The following MYO3B variants were observed in gnomAD, a reference collection of about 807,000 sequenced individuals.
MYO3B encodes myosin IIIB.
A neutral mutation model predicts 174.6 loss-of-function variants in MYO3B; 156 were observed. The observed-to-expected ratio is 0.89, with a 90% CI of 0.78 to 1.02. MYO3B has a LOEUF of 1.02. MYO3B is among the 50% of genes least tolerant of loss of function. The probability of loss-of-function intolerance (pLI) is 0.00; values close to 1 mark genes in which losing one functional copy is unlikely to be tolerated. For missense variants in MYO3B, 1,632 were observed against 1,639.4 expected (o/e 1.00, Z 0.08); for synonymous variants, 563 against 569.1 (o/e 0.99, Z 0.15).
chr2:170,605,146 C>G (rs1309031340), intron 32 of MYO3B, among the ~76,000 whole-genome samples: 2 of 152,190 alleles, frequency 1.3e-5, no homozygotes, highest in Non-Finnish European at 2.9e-5. Context: ...GTCCTTTTCT[C>G]ATTCCGCCTC....
chr2:170,519,282 C>A (rs187880829), intron 29 of MYO3B, among the ~76,000 whole-genome samples, 156 bp from the exon 30 acceptor site: 221 of 152,118 alleles, frequency 1.5e-3, no homozygotes, highest in Middle Eastern at 6.8e-3. Flanking sequence ...GAGAACAGCT[C>A]AATTTTAATG....
chr2:170,314,339 G>A (rs1265196460), intron 7 of MYO3B, among the ~76,000 whole-genome samples: 1 of 152,192 alleles, frequency 6.6e-6, no homozygotes, highest in Non-Finnish European at 1.5e-5. Context: ...AGATTCTGTA[G>A]GAAATGTCCA....
chr2:170,240,494 A>C (rs1574638589), intron 7 of MYO3B, among the ~76,000 whole-genome samples: 1 of 152,302 alleles, frequency 6.6e-6, no homozygotes, highest in East Asian at 1.9e-4. Flanking sequence ...CCTCCTTTTC[A>C]GGGAGGAAAA....
chr2:170,255,632 G>GA (rs537533288), intron 7 of MYO3B, among the ~76,000 whole-genome samples: 18 of 149,938 alleles, frequency 1.2e-4, no homozygotes, highest in East Asian at 1.9e-4. Flanking sequence ...ACCCTGAAGG[G>GA]AAAAAAAAAC....
intron 32 of MYO3B, among the ~76,000 whole-genome samples, chr2:170,582,447 G>T (rs1693216554): frequency 6.6e-6 from 1 of 152,098 alleles, no homozygotes; most frequent in Non-Finnish European, 1.5e-5. Flanking sequence ...ATTTTTGGGT[G>T]AGCTGAATCC....
intron 22 of MYO3B, among the ~76,000 whole-genome samples, chr2:170,427,824 A>G (rs2094677028): frequency 6.6e-6 from 1 of 152,196 alleles, no homozygotes. Context: ...ATACCTATAT[A>G]TCAAAAGCTA....
At chr2:170,598,636 C>CT (rs1442767612) in intron 32 of MYO3B, among the ~76,000 whole-genome samples, 3 of 152,138 alleles carry the variant, frequency 2.0e-5, no homozygotes, top group African/African-American at 7.2e-5. Context: ...CACATGTGGT[C>CT]TACCTGCTGG....
In MYO3B at chr2:170,404,358, G is replaced by A. The variant is rs1170286692; in HGVS notation, c.2389G>A (p.Glu797Lys). 1.2e-6 allele frequency: 2 copies of A among 1,613,818 alleles called. No individual in the cohort carries two copies. Among genetic ancestry groups the A allele is most frequent in the African/African-American group, 1.3e-5 (1 of 75,050 alleles). Residue 797 changes from glutamate (E) to lysine (K), a missense_variant, in exon 20 of 35, where the codon GAG (glutamate) becomes AAG (lysine). Transcript: ENST00000408978. ...CCTGGGACTGCTTGCACTTTTGGAT[G>A]AGGAAAGTCGGTTTCCCCAAGCAAC... The part of the protein sequence containing the change: ...KPLGLLALLD[E>K]ESRFPQATDQ...
chr2:170,317,682 C>T (rs184455095), intron 7 of MYO3B, among the ~76,000 whole-genome samples: 216 of 152,238 alleles, frequency 1.4e-3, no homozygotes, highest in Admixed American at 3.9e-3. Flanking sequence ...GAGCCCTAAC[C>T]TTACTCAAGC....
chr2:170,543,841 T>A, intron 31 of MYO3B, 51 bp from the exon 32 acceptor site: 1 of 1,468,506 alleles, frequency 6.8e-7, no homozygotes, highest in Non-Finnish European at 9.5e-7. Context: ...TCCTTAAGGC[T>A]GTTTCATCAG....
At chr2:170,468,606 C>T (rs1178778464) in intron 25 of MYO3B, among the ~76,000 whole-genome samples, 2 of 152,134 alleles carry the variant, frequency 1.3e-5, no homozygotes, top group African/African-American at 4.8e-5. Context: ...CTCATGGAGC[C>T]TTTGAGGAAG....
At chr2:170,536,420 T>A (rs1425852205) in intron 30 of MYO3B, among the ~76,000 whole-genome samples, 1 of 152,220 alleles carries the variant, frequency 6.6e-6, no homozygotes, top group Admixed American at 6.5e-5. Context: ...CATTCAGTAA[T>A]GATTAGGGTG....
At chr2:170,501,944 G>A in intron 28 of MYO3B, 79 bp downstream of exon 28, 1 of 1,017,504 alleles carries the variant, frequency 9.8e-7, no homozygotes, top group Non-Finnish European at 1.5e-6. Flanking sequence ...AAAGCTGAAA[G>A]GTTAATAATT....
rs187615503 is a variant in MYO3B at position 170,602,065 on chromosome 2, T to G, written c.3734-49563T>G. The G allele has an allele frequency of 4.1e-6, 4 of 984,602 alleles. No homozygotes were observed. In the Admixed American group the frequency reaches 6.8e-5, roughly 17 times the overall value. 61.0% of individuals were successfully genotyped at this position (984,602 alleles called of 1,614,324 possible). A position where few individuals can be genotyped will look rare whatever the true frequency, so the allele number is the denominator to read the frequency against. ...CATATCTTCAAATTTTCCTTTATCTTTAGCAGACATGGCCTTCCACCTCTC... is the reference window on the plus strand; with the variant it reads ...CATATCTTCAAATTTTCCTTTATCTGTAGCAGACATGGCCTTCCACCTCTC... On this transcript the variant is annotated intron_variant, in intron 32 of 34. Coordinates refer to ENST00000408978, the MANE Select transcript of MYO3B (RefSeq NM_138995.5).
intron 28 of MYO3B, among the ~76,000 whole-genome samples, chr2:170,509,020 G>GA (rs35070668): frequency 6.6e-6 from 1 of 151,910 alleles, no homozygotes; most frequent in Non-Finnish European, 1.5e-5. Context: ...CACTGGGGGG[G>GA]AAAAAAGTCT....
At chr2:170,392,309 A>G in intron 15 of MYO3B, 72 bp from the exon 16 acceptor site, 2 of 1,107,598 alleles carry the variant, frequency 1.8e-6, no homozygotes, top group East Asian at 5.2e-5. Context: ...AACAACAAAC[A>G]AAAAATGGAA....
intron 32 of MYO3B, among the ~76,000 whole-genome samples, chr2:170,600,339 G>A (rs559506434): frequency 2.6e-4 from 39 of 152,112 alleles, no homozygotes; most frequent in Admixed American, 1.6e-3. Flanking sequence ...CAATAATCTC[G>A]AAAACCACAA....
chr2:170,608,573 G>A (rs74527948), intron 32 of MYO3B, among the ~76,000 whole-genome samples: 2,304 of 151,944 alleles, frequency 0.015, 55 homozygotes, highest in African/African-American at 0.053. Flanking sequence ...CCTTTGCATA[G>A]ATGTGCTCAG....
intron 7 of MYO3B, among the ~76,000 whole-genome samples, chr2:170,255,558 A>C (rs1473206794): frequency 6.6e-6 from 1 of 152,166 alleles, no homozygotes; most frequent in Non-Finnish European, 1.5e-5. Flanking sequence ...CATACAGAGC[A>C]CTGGCCCTCT....
Sources: gnomAD v4.1 joint callset for allele counts (sites outside exome capture counted in the v4.1 genomes callset) on GRCh38, gnomAD v4.1.1 for gene constraint, MANE v1.5 for transcripts, NCBI Gene and HGNC (gene_info 2026-07-23, HGNC 2026-07-21) for gene names.